FOCAD: variants seen among roughly 807,000 people sequenced by gnomAD.
FOCAD encodes the protein KIAA1797.
A neutral mutation model predicts 225.6 loss-of-function variants in FOCAD; 198 were observed. The ratio of observed to expected loss-of-function variants is 0.88; its 90% CI spans 0.78 to 0.99. The LOEUF (loss-of-function observed/expected upper bound fraction) is 0.99. Among genes scored for constraint, FOCAD ranks in the 50% least tolerant of loss-of-function variants. FOCAD has a pLI of 0.00. For missense variants in FOCAD, 2,713 were observed against 2,123.6 expected, an observed-to-expected ratio of 1.28 and a Z score of -5.46; for synonymous variants, 897 against 755.0, an observed-to-expected ratio of 1.19 and a Z score of -3.08.
chr9:20,980,351 CCTT>C (rs1398519509), intron 37 of FOCAD, among the ~76,000 whole-genome samples: 4 of 152,126 alleles, frequency 2.6e-5, no homozygotes, highest in Admixed American at 6.6e-5. Context: ...TCTATTCACT[CCTT>C]CTTACTTTTG....
intron 5 of FOCAD, among the ~76,000 whole-genome samples, chr9:20,753,894 G>T (rs909221433): frequency 2.0e-5 from 3 of 151,948 alleles, no homozygotes; most frequent in Non-Finnish European, 4.4e-5. Context: ...AAGTGATCGG[G>T]CTGATTCATC....
At position 20,765,018 on chromosome 9, in the gene FOCAD, C is replaced by T. The variant is rs758744690; in HGVS notation, c.644C>T (p.Ser215Leu). ...PQVLCDKDQP[S>L]ILEQQILQLC... ...GTTCTTTGTGACAAAGATCAACCAT[C>T]AATACTGGAACAGCAGATACTTCAA... is the stretch of plus-strand genomic sequence containing the variant. Residue 215 changes from serine (S) to leucine (L), a missense_variant, in exon 7 of 44, where the codon TCA (serine) becomes TTA (leucine). By Grantham distance (145) the Ser-to-Leu change is moderately radical (BLOSUM62 -2). Transcript: ENST00000338382. The T allele has an allele frequency of 2.5e-6, 4 of 1,614,082 alleles. No individual in the cohort carries two copies. Among genetic ancestry groups the T allele is most frequent in the Non-Finnish European group, 2.5e-6 (3 of 1,179,996 alleles).
chr9:20,697,840 A>G (rs1047272155), intron 1 of FOCAD, among the ~76,000 whole-genome samples: 1 of 152,238 alleles, frequency 6.6e-6, no homozygotes, highest in African/African-American at 2.4e-5. Flanking sequence ...GTGGAGGAAC[A>G]CTTGATGTTT....
chr9:20,921,660 A>G (rs539718505), intron 24 of FOCAD, among the ~76,000 whole-genome samples: 8 of 152,334 alleles, frequency 5.3e-5, no homozygotes, highest in Non-Finnish European at 1.0e-4. Context: ...TAATTCAAAG[A>G]TTATTATCCA....
At chr9:20,880,747 A>G (rs932544875) in intron 19 of FOCAD, among the ~76,000 whole-genome samples, 1 of 152,226 alleles carries the variant, frequency 6.6e-6, no homozygotes, top group African/African-American at 2.4e-5. Flanking sequence ...ACTTTTAGAT[A>G]GATCTCTTCA....
chr9:20,864,880 A>G (rs1829091189), intron 16 of FOCAD, among the ~76,000 whole-genome samples: 1 of 152,106 alleles, frequency 6.6e-6, no homozygotes, highest in Non-Finnish European at 1.5e-5. Context: ...AATCTCTGAT[A>G]GGAAGGTATC....
Position 20,866,917 on chromosome 9 carries a change from T to TTTTTTTAACCAAA in FOCAD, c.2107-12_2107-11insTTTTTTAACCAAA. ...TTTTTTTTTTTTTTTTTTTTTTTTT[T>TTTTTTTAACCAAA]ACCCTATCTAGGACCCAATTGTAGC... is the stretch of plus-strand genomic sequence containing the variant. On this transcript the variant is annotated splice_polypyrimidine_tract_variant and intron_variant, in intron 17 of 43. Coordinates refer to ENST00000338382, the MANE Select transcript of FOCAD (RefSeq NM_001375567.1). The TTTTTTTAACCAAA allele has an allele frequency of 1.3e-6, 1 of 764,972 alleles. No homozygotes were observed. Among genetic ancestry groups the TTTTTTTAACCAAA allele is most frequent in the Non-Finnish European group, 2.0e-6 (1 of 498,468 alleles). 47.4% of individuals were successfully genotyped at this position (764,972 alleles called of 1,614,324 possible). A position where few individuals can be genotyped will look rare whatever the true frequency, so the allele number is the denominator to read the frequency against.
chr9:20,879,552 C>T (rs1830499266), intron 19 of FOCAD, among the ~76,000 whole-genome samples: 1 of 152,046 alleles, frequency 6.6e-6, no homozygotes, highest in Admixed American at 6.6e-5. Context: ...GTGAATGTAA[C>T]ACAGTTTGTT....
chr9:20,944,207 C>G (rs1587685823), intron 28 of FOCAD, among the ~76,000 whole-genome samples: 1 of 152,184 alleles, frequency 6.6e-6, no homozygotes, highest in African/African-American at 2.4e-5. Context: ...CAGCTCACAT[C>G]CTGAATTTTA....
intron 11 of FOCAD, among the ~76,000 whole-genome samples, chr9:20,799,113 T>A (rs1821482916): frequency 6.6e-6 from 1 of 152,248 alleles, no homozygotes; most frequent in Non-Finnish European, 1.5e-5. Context: ...TACCCAGTAG[T>A]CCTTTAGGAG....
intron 8 of FOCAD, among the ~76,000 whole-genome samples, chr9:20,770,457 G>T (rs1818099636): frequency 6.6e-6 from 1 of 151,018 alleles, no homozygotes; most frequent in South Asian, 2.1e-4. Context: ...GCTGGTGTAG[G>T]AGTGAGAGAG....
chr9:20,862,612 C>G lies in FOCAD; in HGVS notation c.1955C>G (p.Ser652Cys). 1 of 1,613,510 alleles carries G rather than the reference C, an allele frequency of 6.2e-7. No individual in the cohort carries two copies. The change falls in exon 16 of 44, where the codon TCT (serine) becomes TGT (cysteine). Residue 652 changes from serine to cysteine, a missense_variant. Physicochemically the swap from Ser to Cys is moderately radical, Grantham distance 112. Coordinates refer to ENST00000338382, the MANE Select transcript of FOCAD (RefSeq NM_001375567.1). ...ATTCGCTCCACTTGGAATGCTCTCTCTCCAAAGCTGAGTTGTGACACAAGA... is the reference window on the plus strand; with the variant it reads ...ATTCGCTCCACTTGGAATGCTCTCTGTCCAAAGCTGAGTTGTGACACAAGA... ...VCIRSTWNAL[S>C]PKLSCDTRPL... is the part of the protein sequence containing the mutation.
upstream of FOCAD, among the ~76,000 whole-genome samples, chr9:20,679,607 C>T (rs1004477094): frequency 1.3e-5 from 2 of 151,886 alleles, no homozygotes; most frequent in Non-Finnish European, 2.9e-5. Context: ...AGTCAGTAGG[C>T]CCTTCTACAC....
chr9:20,884,132 A>T (rs1381059875), intron 20 of FOCAD, among the ~76,000 whole-genome samples: 1 of 152,176 alleles, frequency 6.6e-6, no homozygotes, highest in Non-Finnish European at 1.5e-5. Context: ...TGAAATTTTT[A>T]AAAAACTTAA....
At position 20,923,686 on chromosome 9, in the gene FOCAD, C is replaced by A. The variant is rs371813912; in HGVS notation, c.2879C>A (p.Ala960Glu). The A allele has an allele frequency of 5.0e-6, 8 of 1,613,708 alleles. No homozygotes were observed. In the East Asian group the frequency reaches 1.6e-4, roughly 31 times the overall value. Reference protein sequence around the residue: ...AKESPVVKGNALLALSSLAVV... With the variant: ...AKESPVVKGNELLALSSLAVV... ...GAGAGTCCGGTAGTGAAAGGCAATG[C>A]GCTGTTAGCTCTAAGCAGCCTTGCT... is the stretch of plus-strand genomic sequence containing the variant. The change falls in exon 25 of 44, where the codon GCG becomes GAG. Residue 960 changes from alanine to glutamate, a missense_variant. Ala to Glu is a moderately radical substitution (Grantham distance 107). Transcript: ENST00000338382.
At chr9:20,750,462 C>T (rs929449611) in intron 5 of FOCAD, among the ~76,000 whole-genome samples, 3 of 151,986 alleles carry the variant, frequency 2.0e-5, no homozygotes, top group South Asian at 4.1e-4. Flanking sequence ...TTGCAAATCA[C>T]GAAATGGGGA....
chr9:20,866,310 G>A (rs1208678984), intron 17 of FOCAD, among the ~76,000 whole-genome samples: 1 of 151,876 alleles, frequency 6.6e-6, no homozygotes, highest in East Asian at 1.9e-4. Flanking sequence ...CAAACAAAAA[G>A]TCCAGTCCAT....
chr9:20,768,870 G>A (rs1037404978), intron 7 of FOCAD, among the ~76,000 whole-genome samples: 11 of 151,950 alleles, frequency 7.2e-5, no homozygotes, highest in Non-Finnish European at 1.2e-4. Flanking sequence ...TCTACATAAA[G>A]ACAGAATGTT....
At chr9:20,690,081 C>T (rs903074284) in intron 1 of FOCAD, among the ~76,000 whole-genome samples, 1 of 152,048 alleles carries the variant, frequency 6.6e-6, no homozygotes, top group Non-Finnish European at 1.5e-5. Flanking sequence ...AATTCTGGGC[C>T]CAGAGGTATA....
Sources: gnomAD v4.1 joint callset for allele counts (sites outside exome capture counted in the v4.1 genomes callset) on GRCh38, gnomAD v4.1.1 for gene constraint, MANE v1.5 for transcripts, NCBI Gene and HGNC (gene_info 2026-07-23, HGNC 2026-07-21) for gene names.